Variants in ZNF827 observed in about 807,000 individuals in gnomAD.
ZNF827 encodes the protein zinc finger protein 827.
Under a neutral mutation model 102.4 loss-of-function variants are expected in ZNF827, and 13 were observed. The observed-to-expected ratio is 0.13, with a 90% CI of 0.08 to 0.20. The LOEUF is 0.20. ZNF827 is among the 10% of genes least tolerant of loss of function. ZNF827 has a pLI of 1.00. For missense variants in ZNF827, 1,103 were observed against 1,344.4 expected, an observed-to-expected ratio of 0.82 and a Z score of 2.81; for synonymous variants, 523 against 536.2, an observed-to-expected ratio of 0.98 and a Z score of 0.34.
At chr4:145,913,951 C>G (rs1009074575) in intron 1 of ZNF827, among the ~76,000 whole-genome samples, 1 of 151,974 alleles carries the variant, frequency 6.6e-6, no homozygotes, top group African/African-American at 2.4e-5. Context: ...CCCCAATAGC[C>G]CTAACCATAT....
intron 1 of ZNF827, among the ~76,000 whole-genome samples, chr4:145,936,301 A>T (rs1398218289): frequency 6.6e-6 from 1 of 150,940 alleles, no homozygotes; most frequent in Non-Finnish European, 1.5e-5. Context: ...GCCCTCCCCG[A>T]CTCCACCGCC....
At position 145,917,721 on chromosome 4, in the gene ZNF827, AAAAAAG is replaced by A. The variant is rs1182447350; in HGVS notation, c.44-14512_44-14507del. ...TGGTCAAAAAAAAAAAAAAAAAAAA[AAAAAAG>A]AAAAGAAAAAACAACATTCATATGC... On this transcript the variant is annotated intron_variant, in intron 1 of 14. Transcript: ENST00000508784. Among the ~76,000 whole-genome samples the A allele has an allele frequency of 3.6e-4, 53 of 147,486 alleles. 1 individual carries two copies. The highest frequency in any genetic ancestry group is 3.6e-3 in the Middle Eastern group (1 of 276).
At chr4:145,770,343 TAAATAAAATAGATC>T (rs1736079413) in intron 11 of ZNF827, among the ~76,000 whole-genome samples, 1 of 55,506 alleles carries the variant, frequency 1.8e-5, no homozygotes, top group Non-Finnish European at 6.3e-5. Context: ...AATAAATAAA[TAAATAAAATAGATC>T]AGAACATGTG....
intron 4 of ZNF827, among the ~76,000 whole-genome samples, chr4:145,885,403 C>A (rs773876516): frequency 6.6e-6 from 1 of 152,006 alleles, no homozygotes; most frequent in African/African-American, 2.4e-5. Context: ...ACAGTAAGAA[C>A]TCACCAAAGG....
At chr4:145,859,346 CA>C (rs1330340916) in intron 5 of ZNF827, among the ~76,000 whole-genome samples, 1 of 152,048 alleles carries the variant, frequency 6.6e-6, no homozygotes, top group East Asian at 1.9e-4. Context: ...AAGGAGGTCA[CA>C]AAGAAGAAAT....
chr4:145,799,703 A>G (rs1459535509), intron 8 of ZNF827, among the ~76,000 whole-genome samples: 2 of 152,196 alleles, frequency 1.3e-5, no homozygotes, highest in Non-Finnish European at 2.9e-5. Flanking sequence ...CTTACCAGCT[A>G]AGTACGGCCA....
chr4:145,837,677 G>A lies in ZNF827; in HGVS notation c.2279+8279C>T, dbSNP rs932391252. 5.9e-5 allele frequency among the ~76,000 whole-genome samples: 9 copies of A among 152,180 alleles called. 1 individual carries two copies. The highest frequency in any genetic ancestry group is 4.2e-4 in the South Asian group (2 of 4,808). ...GTAAATAAATAATCTTTGCTGGCAG[G>A]ACTATGCCGAATCTCCTTAAGCACT... On this transcript the variant is annotated intron_variant, in intron 7 of 14. Transcript: ENST00000508784.
Position 145,768,915 on chromosome 4 carries a change from AT to A in ZNF827, c.2861-3178del, listed in dbSNP as rs1476391429. On this transcript the variant is annotated intron_variant, in intron 11 of 14. Transcript: ENST00000508784. ...AATATATATATATATATATATATATATTAGGTATACAAAGTTTGGAAATAGA... is the reference window on the plus strand; with the variant it reads ...AATATATATATATATATATATATATATAGGTATACAAAGTTTGGAAATAGA... Among the ~76,000 whole-genome samples, 219 of 60,780 alleles carry A rather than the reference AT, an allele frequency of 3.6e-3. 45 individuals are homozygous for A. The highest frequency in any genetic ancestry group is 0.011 in the African/African-American group (195 of 18,286). The allele number at this position is 60,780 out of a possible 152,430, so 39.9% of individuals were successfully genotyped here.
chr4:145,918,249 G>A (rs1752808340), intron 1 of ZNF827, among the ~76,000 whole-genome samples: 3 of 149,634 alleles, frequency 2.0e-5, no homozygotes, highest in African/African-American at 7.4e-5. Flanking sequence ...ATGCTTTGCG[G>A]GGCACATATA....
In ZNF827 at chr4:145,938,803, C is replaced by G. The variant is rs552768097; in HGVS notation, c.-396G>C. Among the ~76,000 whole-genome samples the G allele has an allele frequency of 6.6e-6, 1 of 151,788 alleles. No individual in the cohort carries two copies. Among genetic ancestry groups the G allele is most frequent in the Non-Finnish European group, 1.5e-5 (1 of 67,944 alleles). On this transcript the variant is annotated 5_prime_UTR_variant, in exon 1 of 15. Transcript: ENST00000508784. ...TGTCTATGGCCGCGCTCTGTGTCTC[C>G]GAGCCCCTAACACTAATGTCGGGAT...
intron 8 of ZNF827, among the ~76,000 whole-genome samples, chr4:145,821,853 T>C (rs1743175006): frequency 6.6e-6 from 1 of 152,218 alleles, no homozygotes; most frequent in African/African-American, 2.4e-5. Context: ...GGTCAAGTTT[T>C]AACTTGACCA....
In ZNF827 at chr4:145,849,248, T is replaced by TA. The variant is rs201772793; in HGVS notation, c.2221+73dup. 9.9e-4 allele frequency: 1,343 copies of TA among 1,350,768 alleles called. 1 individual carries two copies. Among genetic ancestry groups the TA allele is most frequent in the East Asian group, 5.4e-3 (220 of 40,958 alleles). 83.7% of individuals were successfully genotyped at this position (1,350,768 alleles called of 1,614,324 possible). A position where few individuals can be genotyped will look rare whatever the true frequency, so the allele number is the denominator to read the frequency against. On this transcript the variant is annotated intron_variant, in intron 6 of 14. Coordinates refer to ENST00000508784, the MANE Select transcript of ZNF827 (RefSeq NM_001306215.2). ...ATCCTATAATTCAGGTTTTTTTTTTTAAAAAAAACTGTGTTAGAAGGGTTT... is the reference window on the plus strand; with the variant it reads ...ATCCTATAATTCAGGTTTTTTTTTTTAAAAAAAAACTGTGTTAGAAGGGTTT...
At position 145,823,441 on chromosome 4, in the gene ZNF827, G is replaced by C. The variant is rs761553606; in HGVS notation, c.2364C>G (p.His788Gln). ...KELLPSDSVL[H>Q]GRISAPETEK... ...CCATACCTGGAGCTGATATTCTTCC[G>C]TGCAGCACGGAGTCACTGGGCAGCA... Residue 788 changes from histidine (H) to glutamine (Q), a missense_variant, in exon 8 of 15, where the codon CAC (histidine) becomes CAG (glutamine). Physicochemically the swap from His to Gln is conservative, Grantham distance 24 (BLOSUM62 0). Coordinates refer to ENST00000508784, the MANE Select transcript of ZNF827 (RefSeq NM_001306215.2). The C allele has an allele frequency of 6.2e-7, 1 of 1,613,410 alleles. No homozygotes were observed. The highest frequency in any genetic ancestry group is 1.7e-5 in the Admixed American group (1 of 59,984).
At chr4:145,806,149 T>C (rs1741413681) in intron 8 of ZNF827, among the ~76,000 whole-genome samples, 1 of 940 alleles carries the variant, frequency 1.1e-3, no homozygotes, top group Non-Finnish European at 2.5e-3. Flanking sequence ...TAAATGAACT[T>C]TTTTTTTTTT....
intron 8 of ZNF827, among the ~76,000 whole-genome samples, chr4:145,801,896 G>A (rs1025460509): frequency 1.3e-5 from 2 of 149,564 alleles, no homozygotes; most frequent in East Asian, 2.0e-4. Flanking sequence ...TTATTTCAAC[G>A]TGAGCATTCT....
At chr4:145,767,383 T>G (rs756412020) in intron 11 of ZNF827, among the ~76,000 whole-genome samples, 22 of 152,288 alleles carry the variant, frequency 1.4e-4, no homozygotes, top group Non-Finnish European at 2.8e-4. Flanking sequence ...ATCAGTGAAC[T>G]GTGGGATGCC....
intron 1 of ZNF827, among the ~76,000 whole-genome samples, chr4:145,927,563 G>A (rs1034699458): frequency 2.6e-5 from 4 of 152,118 alleles, no homozygotes; most frequent in East Asian, 1.9e-4. Context: ...GGGCCATCAC[G>A]TTCCATCAAC....
intron 1 of ZNF827, among the ~76,000 whole-genome samples, chr4:145,934,978 A>T (rs556401757): frequency 4.3e-4 from 66 of 152,340 alleles, no homozygotes; most frequent in African/African-American, 1.5e-3. Flanking sequence ...AACAGTGGCT[A>T]TTAACCTCTT....
intron 1 of ZNF827, among the ~76,000 whole-genome samples, chr4:145,909,768 G>A (rs1202003849): frequency 6.6e-6 from 1 of 152,216 alleles, no homozygotes; most frequent in Non-Finnish European, 1.5e-5. Flanking sequence ...ATTTAGGCCG[G>A]TTTTACTTGC....
Sources: allele counts gnomAD v4.1 joint callset (sites outside exome capture counted in the v4.1 genomes callset), GRCh38; gene constraint gnomAD v4.1.1; transcripts MANE v1.5; gene names NCBI Gene and HGNC (gene_info 2026-07-23, HGNC 2026-07-21).